The following KPNA6 variants were observed in gnomAD, a reference collection of about 807,000 sequenced individuals.
The protein encoded by KPNA6 is importin subunit alpha-7.
Under a neutral mutation model 72.0 loss-of-function variants are expected in KPNA6, and 9 were observed. The observed-to-expected ratio is 0.13, with a 90% CI of 0.08 to 0.22. The LOEUF is 0.22. KPNA6 is among the 10% of genes least tolerant of loss of function. The pLI, the probability that KPNA6 is intolerant of heterozygous loss-of-function variation, is 1.00. For synonymous variants in KPNA6, 219 were observed against 242.1 expected, an observed-to-expected ratio of 0.90 and a Z score of 0.89; for missense variants, 374 against 655.7, an observed-to-expected ratio of 0.57 and a Z score of 4.69.
chr1:32,140,040 T>C (rs1641810495), intron 1 of KPNA6, among the ~76,000 whole-genome samples: 1 of 152,196 alleles, frequency 6.6e-6, no homozygotes, highest in Non-Finnish European at 1.5e-5. Flanking sequence ...GAATATGAAC[T>C]AGATATTGGG....
intron 12 of KPNA6, among the ~76,000 whole-genome samples, 156 bp from the exon 13 acceptor site, chr1:32,169,726 C>T (rs1185277756): frequency 6.6e-6 from 1 of 151,474 alleles, no homozygotes; most frequent in African/African-American, 2.4e-5. Context: ...TCCCAAAGTG[C>T]TGGGATCACA....
chr1:32,116,257 T>C (rs1641326522), intron 1 of KPNA6, among the ~76,000 whole-genome samples: 1 of 151,028 alleles, frequency 6.6e-6, no homozygotes, highest in Non-Finnish European at 1.5e-5. Flanking sequence ...AAGCTCCGCC[T>C]CCCGGGTTCA....
intron 1 of KPNA6, among the ~76,000 whole-genome samples, chr1:32,138,151 A>T (rs1641771658): frequency 6.6e-6 from 1 of 151,026 alleles, no homozygotes; most frequent in Admixed American, 6.6e-5. Flanking sequence ...AAAAAAAAAT[A>T]GGGAAGATAG....
At chr1:32,152,810 A>C (rs1244232972) in intron 1 of KPNA6, among the ~76,000 whole-genome samples, 1 of 151,644 alleles carries the variant, frequency 6.6e-6, no homozygotes, top group East Asian at 1.9e-4. Flanking sequence ...GCGCCATTGC[A>C]CTCCAGCCTG....
intron 1 of KPNA6, among the ~76,000 whole-genome samples, chr1:32,115,489 G>A (rs1462503139): frequency 1.3e-5 from 2 of 150,866 alleles, no homozygotes; most frequent in African/African-American, 4.9e-5. Context: ...GGGTGCAGTG[G>A]CAAGATAGCA....
chr1:32,142,855 G>A, intron 1 of KPNA6: 2 of 918,382 alleles, frequency 2.2e-6, no homozygotes, highest in Non-Finnish European at 2.9e-6. Flanking sequence ...AACCTCCCTT[G>A]TCTGCTTCCC....
chr1:32,115,304 TTTTTTTTGTA>T (rs1641311539), intron 1 of KPNA6, among the ~76,000 whole-genome samples: 2 of 151,216 alleles, frequency 1.3e-5, no homozygotes, highest in South Asian at 4.2e-4. Flanking sequence ...CCCGGCTAAT[TTTTTTTTGTA>T]TTTTTAGTAG....
chr1:32,154,493 T>C lies in KPNA6; in HGVS notation c.5-95T>C, dbSNP rs114377587. The C allele has an allele frequency of 5.1e-4, 680 of 1,320,842 alleles. 3 individuals are homozygous for C. The African/African-American group carries it at 9.5e-3, about 19-fold the overall frequency. 81.8% of individuals were successfully genotyped at this position (1,320,842 alleles called of 1,614,324 possible). On this transcript the variant is annotated intron_variant, in intron 1 of 13. Transcript: ENST00000373625. Reference sequence around the variant, plus strand: ...CCAGAGAGCTGTATTCCCCCCAGAGTAGGGGAGGGTGAAGGGTGGGTAGGG... The same window carrying C: ...CCAGAGAGCTGTATTCCCCCCAGAGCAGGGGAGGGTGAAGGGTGGGTAGGG...
At chr1:32,108,557 G>A (rs566595143) in intron 1 of KPNA6, among the ~76,000 whole-genome samples, 1 of 152,374 alleles carries the variant, frequency 6.6e-6, no homozygotes, top group Admixed American at 6.5e-5. Context: ...TGGCTCCCCT[G>A]AACTCAGGGA....
At position 32,171,619 on chromosome 1, in the gene KPNA6, C is replaced by A. The variant is rs1191838098; in HGVS notation, c.*725C>A. 1.3e-5 allele frequency: 2 copies of A among 152,146 alleles called. No individual in the cohort carries two copies. The highest frequency in any genetic ancestry group is 4.8e-5 in the African/African-American group (2 of 41,424). 9.4% of individuals were successfully genotyped at this position (152,146 alleles called of 1,614,324 possible). A position where few individuals can be genotyped will look rare whatever the true frequency, so the allele number is the denominator to read the frequency against. Reference sequence around the variant, plus strand: ...TCCCTCTGACTCTTTGCCCAGACCTCTTTAGTTTGGGGGATCCTCCTCACT... The same window carrying A: ...TCCCTCTGACTCTTTGCCCAGACCTATTTAGTTTGGGGGATCCTCCTCACT... On this transcript the variant is annotated 3_prime_UTR_variant, in exon 14 of 14. Coordinates refer to ENST00000373625, the MANE Select transcript of KPNA6 (RefSeq NM_012316.5).
intron 10 of KPNA6, among the ~76,000 whole-genome samples, chr1:32,164,973 C>CT (rs572146882): frequency 3.7e-4 from 57 of 152,262 alleles, no homozygotes; most frequent in Admixed American, 2.6e-3. Context: ...TCTCGGCTCA[C>CT]TGCAACCTCT....
At chr1:32,122,354 A>G (rs1641447873) in intron 1 of KPNA6, among the ~76,000 whole-genome samples, 2 of 151,824 alleles carry the variant, frequency 1.3e-5, no homozygotes, top group Admixed American at 1.3e-4. Context: ...GGTTGTCAGA[A>G]TTGAGTGCTG....
intron 1 of KPNA6, among the ~76,000 whole-genome samples, chr1:32,124,857 AT>A (rs1641505408): frequency 6.7e-6 from 1 of 148,234 alleles, no homozygotes; most frequent in African/African-American, 2.5e-5. Context: ...TTATTTATTT[AT>A]TTTTGAGACG....
chr1:32,132,052 C>T (rs186350827), intron 1 of KPNA6, among the ~76,000 whole-genome samples: 52 of 151,740 alleles, frequency 3.4e-4, no homozygotes, highest in Admixed American at 3.4e-3. Flanking sequence ...CTCACTGCAA[C>T]CTCCGCTTTC....
intron 1 of KPNA6, among the ~76,000 whole-genome samples, chr1:32,137,604 T>C (rs556561690): frequency 1.4e-4 from 21 of 152,296 alleles, no homozygotes; most frequent in South Asian, 4.1e-4. Context: ...AGATGGAACA[T>C]TTGAGGGCAT....
Position 32,171,650 on chromosome 1 carries a change from GAAGTGTCTC to G in KPNA6, c.*761_*769del, listed in dbSNP as rs1642439677. 6.6e-6 allele frequency: 1 copy of G among 152,192 alleles called. No individual in the cohort carries two copies. Among genetic ancestry groups the G allele is most frequent in the Admixed American group, 6.5e-5 (1 of 15,272 alleles). The allele number at this position is 152,192 out of a possible 1,614,324, so 9.4% of individuals were successfully genotyped here. A position where few individuals can be genotyped will look rare whatever the true frequency, so the allele number is the denominator to read the frequency against. On this transcript the variant is annotated 3_prime_UTR_variant, in exon 14 of 14. Coordinates refer to ENST00000373625, the MANE Select transcript of KPNA6 (RefSeq NM_012316.5). ...TTTGGGGGATCCTCCTCACTCTCCT[GAAGTGTCTC>G]AAGTATACCAGTGGGAGTGCAGGGG...
chr1:32,125,794 C>T (rs911692308), intron 1 of KPNA6, among the ~76,000 whole-genome samples: 4 of 151,968 alleles, frequency 2.6e-5, no homozygotes, highest in Non-Finnish European at 5.9e-5. Flanking sequence ...CATTATGGTG[C>T]ATATAACTTG....
chr1:32,164,895 C>T (rs553134477), intron 10 of KPNA6, among the ~76,000 whole-genome samples: 1 of 151,822 alleles, frequency 6.6e-6, no homozygotes, highest in East Asian at 1.9e-4. Flanking sequence ...AAACTTTTAA[C>T]TTATTTAATT....
chr1:32,146,476 A>T (rs376182708), intron 1 of KPNA6, among the ~76,000 whole-genome samples: 2 of 151,766 alleles, frequency 1.3e-5, no homozygotes, highest in Non-Finnish European at 2.9e-5. Context: ...TTTTCTGTGC[A>T]TGTAGTTTTT....
Sources: gnomAD v4.1 joint callset for allele counts (sites outside exome capture counted in the v4.1 genomes callset) on GRCh38, gnomAD v4.1.1 for gene constraint, MANE v1.5 for transcripts, NCBI Gene and HGNC (gene_info 2026-07-23, HGNC 2026-07-21) for gene names.